The following PCDH9 variants were observed in gnomAD, a reference collection of about 807,000 sequenced individuals.
PCDH9 encodes the protein protocadherin 9.
A neutral mutation model predicts 70.6 loss-of-function variants in PCDH9; 24 were observed. The ratio of observed to expected loss-of-function variants is 0.34; its 90% confidence interval spans 0.25 to 0.48. PCDH9 has a LOEUF of 0.48. Among genes scored for constraint, PCDH9 ranks in the 20% least tolerant of loss-of-function variants. The pLI, the probability that PCDH9 is intolerant of heterozygous loss-of-function variation, is 0.99. For missense variants in PCDH9, 1,281 were observed against 1,503.6 expected (o/e 0.85, Z 2.45); for synonymous variants, 562 against 558.5 (o/e 1.01, Z -0.09).
chr13:66,445,394 G>C (rs906305604), intron 4 of PCDH9, among the ~76,000 whole-genome samples: 1 of 145,694 alleles, frequency 6.9e-6, no homozygotes, highest in Non-Finnish European at 1.5e-5. Flanking sequence ...ATATATACAC[G>C]CTGTTCTATA....
At chr13:66,688,004 A>T (rs748228220) in intron 3 of PCDH9, among the ~76,000 whole-genome samples, 11 of 152,018 alleles carry the variant, frequency 7.2e-5, no homozygotes, top group Non-Finnish European at 1.6e-4. Flanking sequence ...CTTTCTCCTT[A>T]ATGGTTTTTT....
intron 4 of PCDH9, among the ~76,000 whole-genome samples, chr13:66,534,297 A>C (rs1350018537): frequency 1.3e-5 from 2 of 152,170 alleles, no homozygotes; most frequent in Non-Finnish European, 2.9e-5. Flanking sequence ...TCAGGCTGCT[A>C]TAACAAAGTA....
intron 3 of PCDH9, among the ~76,000 whole-genome samples, chr13:66,791,609 T>A (rs1467040656): frequency 2.0e-5 from 3 of 152,160 alleles, no homozygotes; most frequent in Non-Finnish European, 4.4e-5. Flanking sequence ...GTAAATAATG[T>A]ATAATAATGT....
chr13:66,830,321 C>A (rs2080903282), intron 3 of PCDH9, among the ~76,000 whole-genome samples: 1 of 152,054 alleles, frequency 6.6e-6, no homozygotes, highest in Non-Finnish European at 1.5e-5. Flanking sequence ...TCATTTGGGG[C>A]ACTTTGGCTG....
intron 3 of PCDH9, among the ~76,000 whole-genome samples, chr13:66,652,871 G>A (rs561453278): frequency 1.1e-4 from 16 of 152,100 alleles, no homozygotes; most frequent in South Asian, 8.3e-4. Flanking sequence ...TTTGACAAAG[G>A]TATCAAGAAC....
At chr13:67,203,290 C>G (rs1031400442) in intron 2 of PCDH9, 1 of 152,034 alleles carries the variant, frequency 6.6e-6, no homozygotes, top group Non-Finnish European at 1.5e-5. Context: ...TTATCTGCAT[C>G]TTGAACTCCT....
At chr13:66,565,255 C>T (rs1229227543) in intron 4 of PCDH9, among the ~76,000 whole-genome samples, 2 of 152,158 alleles carry the variant, frequency 1.3e-5, no homozygotes, top group African/African-American at 2.4e-5. Flanking sequence ...TGTTTTCACC[C>T]TTATGCTGAG....
intron 4 of PCDH9, among the ~76,000 whole-genome samples, chr13:66,537,928 C>T (rs949852472): frequency 2.6e-5 from 4 of 151,926 alleles, no homozygotes; most frequent in African/African-American, 7.3e-5. Flanking sequence ...TGGATTGTTC[C>T]TGGGAAAAAA....
chr13:66,850,823 T>C (rs1424478598), intron 3 of PCDH9, among the ~76,000 whole-genome samples: 1 of 152,212 alleles, frequency 6.6e-6, no homozygotes, highest in Non-Finnish European at 1.5e-5. Context: ...TTGTAGGAAA[T>C]ATTTCTGTTT....
chr13:66,808,919 G>A (rs2080453377), intron 3 of PCDH9, among the ~76,000 whole-genome samples: 1 of 152,124 alleles, frequency 6.6e-6, no homozygotes, highest in African/African-American at 2.4e-5. Context: ...CCCCACTAAA[G>A]GTATTCTTGT....
chr13:66,507,698 TTTTGTTTG>T (rs143044642), intron 4 of PCDH9, among the ~76,000 whole-genome samples: 7,312 of 149,504 alleles, frequency 0.049, 359 homozygotes, highest in African/African-American at 0.13. Flanking sequence ...TTCCTTTCTT[TTTTGTTTG>T]TTTGTTTGTT....
intron 3 of PCDH9, among the ~76,000 whole-genome samples, chr13:66,637,863 G>A (rs1399288780): frequency 2.6e-5 from 4 of 151,058 alleles, no homozygotes; most frequent in African/African-American, 4.9e-5. Context: ...GCAGTGAGCC[G>A]AGATCATGCC....
chr13:67,111,897 T>G (rs2086666214), intron 2 of PCDH9, among the ~76,000 whole-genome samples: 1 of 152,210 alleles, frequency 6.6e-6, no homozygotes, highest in Non-Finnish European at 1.5e-5. Context: ...AATAGTGTTA[T>G]TACCCTGGCC....
intron 3 of PCDH9, among the ~76,000 whole-genome samples, chr13:66,715,424 TAAG>T (rs911074065): frequency 2.4e-4 from 36 of 152,230 alleles, no homozygotes; most frequent in African/African-American, 5.5e-4. Flanking sequence ...ATGCAATTAA[TAAG>T]AAGATCATGC....
intron 4 of PCDH9, among the ~76,000 whole-genome samples, chr13:66,416,073 G>A (rs1957454571): frequency 6.6e-6 from 1 of 152,098 alleles, no homozygotes; most frequent in Non-Finnish European, 1.5e-5. Context: ...CCTAAGTGTT[G>A]CTTCAGTGAA....
chr13:67,131,653 AAG>A (rs1326769313), intron 2 of PCDH9, among the ~76,000 whole-genome samples: 6 of 152,304 alleles, frequency 3.9e-5, no homozygotes, highest in Non-Finnish European at 5.9e-5. Flanking sequence ...AAAAAAGAAA[AAG>A]AAAAATTCAG....
chr13:66,471,203 G>A (rs900324095), intron 4 of PCDH9, among the ~76,000 whole-genome samples: 50 of 151,952 alleles, frequency 3.3e-4, no homozygotes, highest in African/African-American at 1.1e-3. Flanking sequence ...TGATCAGTTC[G>A]TACATGCCTT....
At chr13:67,035,979 T>G (rs1005868693) in intron 2 of PCDH9, among the ~76,000 whole-genome samples, 1 of 152,158 alleles carries the variant, frequency 6.6e-6, no homozygotes, top group Admixed American at 6.6e-5. Context: ...AACAATAAAA[T>G]GTTTCAGGGT....
chr13:66,382,532 T>C (rs1381179255), intron 4 of PCDH9, among the ~76,000 whole-genome samples: 1 of 147,388 alleles, frequency 6.8e-6, no homozygotes, highest in African/African-American at 2.7e-5. Flanking sequence ...ATGGCTGTTG[T>C]AGCAATTATA....
Sources: gnomAD v4.1 joint callset for allele counts (sites outside exome capture counted in the v4.1 genomes callset) on GRCh38, gnomAD v4.1.1 for gene constraint, MANE v1.5 for transcripts, NCBI Gene and HGNC (gene_info 2026-07-23, HGNC 2026-07-21) for gene names.